THYN1: variants seen among roughly 807,000 people sequenced by gnomAD.
THYN1 encodes the protein thymocyte nuclear protein 1.
A neutral mutation model predicts 30.6 loss-of-function variants in THYN1; 32 were observed. The ratio of observed to expected loss-of-function variants is 1.05; its 90% CI spans 0.79 to 1.40. The LOEUF is 1.40. Ranked by LOEUF, THYN1 falls within the 40% of genes most tolerant of loss-of-function variation. THYN1 has a pLI of 0.00. For missense variants in THYN1, 259 were observed against 272.6 expected, an observed-to-expected ratio of 0.95 and a Z score of 0.35; for synonymous variants, 107 against 90.8, an observed-to-expected ratio of 1.18 and a Z score of -1.01.
rs374823032 is a variant in THYN1, at chr11:134,249,854, C to A, written c.358G>T (p.Glu120Ter). 63 of 1,614,158 alleles carry A rather than the reference C, an allele frequency of 3.9e-5. No individual in the cohort carries two copies. Among genetic ancestry groups the A allele is most frequent in the Middle Eastern group, 1.7e-4 (1 of 6,060 alleles). The change falls in exon 4 of 7, where the codon GAG (glutamate) becomes TAG (stop). Residue 120 changes from glutamate (E) to a stop codon, truncating the protein, a stop_gained. Coordinates refer to ENST00000341541, the MANE Select transcript of THYN1 (RefSeq NM_014174.3). LOFTEE classifies it high-confidence loss of function. ...EAFFYHSNCK[E>*]PGIAGLMKIV... ...TTCATGAGTCCTGCGATGCCTGGCTCTTTGCAGTTGCTATGGTAGAAGAAG... is the reference window on the plus strand; with the variant it reads ...TTCATGAGTCCTGCGATGCCTGGCTATTTGCAGTTGCTATGGTAGAAGAAG...
At chr11:134,248,695 G>A in intron 6 of THYN1, 114 bp downstream of exon 6, 7 of 1,474,280 alleles carry the variant, frequency 4.7e-6, no homozygotes, top group Admixed American at 1.9e-5. Context: ...TGTTACAGGT[G>A]AGGATGCTGA....
In THYN1 at chr11:134,252,971, G is replaced by A; in HGVS notation, c.-89C>T. The A allele has an allele frequency of 1.3e-6, 2 of 1,489,094 alleles. No homozygotes were observed. The highest frequency in any genetic ancestry group is 1.4e-5 in the African/African-American group (1 of 69,952). The allele number at this position is 1,489,094 out of a possible 1,614,324, so 92.2% of individuals were successfully genotyped here. A position where few individuals can be genotyped will look rare whatever the true frequency, so the allele number is the denominator to read the frequency against. ...GCTAATGTCCTCCAAAACCCGCGCA[G>A]AGCGAGATGGAGGCAACGAGAGGCA... On this transcript the variant is annotated 5_prime_UTR_variant, in exon 1 of 7. Transcript: ENST00000341541.
In THYN1 at chr11:134,249,823, C is replaced by G; in HGVS notation, c.384+5G>C. ...GGGATTCACACCAAAACCTGCCCAA[C>G]TAACCTTCATGAGTCCTGCGATGCC... On this transcript the variant is annotated splice_donor_5th_base_variant and intron_variant, in intron 4 of 6. Coordinates refer to ENST00000341541, the MANE Select transcript of THYN1 (RefSeq NM_014174.3). The G allele has an allele frequency of 6.2e-7, 1 of 1,613,968 alleles. No individual in the cohort carries two copies. The highest frequency in any genetic ancestry group is 8.5e-7 in the Non-Finnish European group (1 of 1,179,896).
Position 134,250,320 on chromosome 11 carries a change from T to G in THYN1, c.246A>C (p.Ala82=). ...CCCAGCATGTTGTCTGTTTGGGCTGTGCTTTGAGATCCTCAATGCTGAACT... is the reference window on the plus strand; with the variant it reads ...CCCAGCATGTTGTCTGTTTGGGCTGGGCTTTGAGATCCTCAATGCTGAACT... ...DVKFSIEDLK[A]QPKQTTCWDG... The change falls in exon 3 of 7, where the codon GCA becomes GCC. Residue 82 remains alanine (A), a synonymous_variant. Transcript: ENST00000341541. 1 of 1,614,198 alleles carries G rather than the reference T, an allele frequency of 6.2e-7. No homozygotes were observed. Among genetic ancestry groups the G allele is most frequent in the Non-Finnish European group, 8.5e-7 (1 of 1,180,028 alleles).
intron 4 of THYN1, 65 bp from the exon 5 acceptor site, chr11:134,249,327 C>T (rs1938937832): frequency 1.3e-6 from 2 of 1,494,680 alleles, no homozygotes; most frequent in Non-Finnish European, 9.3e-7. Context: ...ATCTTTTAAT[C>T]CATATCCAAC....
chr11:134,252,950 A>T lies in THYN1; in HGVS notation c.-68T>A. The T allele has an allele frequency of 1.3e-6, 2 of 1,511,518 alleles. No individual in the cohort carries two copies. Among genetic ancestry groups the T allele is most frequent in the Non-Finnish European group, 1.8e-6 (2 of 1,132,536 alleles). The allele number at this position is 1,511,518 out of a possible 1,614,324, so 93.6% of individuals were successfully genotyped here. A position where few individuals can be genotyped will look rare whatever the true frequency, so the allele number is the denominator to read the frequency against. Reference sequence around the variant, plus strand: ...AACGGAGATACAAGAAAGAATGCTAATGTCCTCCAAAACCCGCGCAGAGCG... The same window carrying T: ...AACGGAGATACAAGAAAGAATGCTATTGTCCTCCAAAACCCGCGCAGAGCG... On this transcript the variant is annotated 5_prime_UTR_variant, in exon 1 of 7. Coordinates refer to ENST00000341541, the MANE Select transcript of THYN1 (RefSeq NM_014174.3).
In THYN1 at chr11:134,253,155, G is replaced by C. The variant is rs968658172; in HGVS notation, c.-273C>G. 1.5e-6 allele frequency: 2 copies of C among 1,349,404 alleles called. No homozygotes were observed. The highest frequency in any genetic ancestry group is 1.9e-5 in the South Asian group (1 of 53,316). The allele number at this position is 1,349,404 out of a possible 1,614,324, so 83.6% of individuals were successfully genotyped here. A position where few individuals can be genotyped will look rare whatever the true frequency, so the allele number is the denominator to read the frequency against. Reference sequence around the variant, plus strand: ...TTCTCATCCAGGAACCCCTATCTCAGTATGTAGTTCACTGGGAAGTGGCTC... The same window carrying C: ...TTCTCATCCAGGAACCCCTATCTCACTATGTAGTTCACTGGGAAGTGGCTC... On this transcript the variant is annotated 5_prime_UTR_variant, in exon 1 of 7. Coordinates refer to ENST00000341541, the MANE Select transcript of THYN1 (RefSeq NM_014174.3).
intron 2 of THYN1, 32 bp from the exon 3 acceptor site, chr11:134,250,375 A>G: frequency 6.2e-7 from 1 of 1,613,468 alleles, no homozygotes; most frequent in Non-Finnish European, 8.5e-7. Flanking sequence ...CAATCATTAA[A>G]CAATCCTTGG....
rs148055755 is a variant in THYN1 at position 134,249,260 on chromosome 11, G to A, written c.387C>T (p.Ile129=). The change falls in exon 5 of 7, where the codon ATC becomes ATT. Residue 129 remains isoleucine, a splice_region_variant and synonymous_variant. Coordinates refer to ENST00000341541, the MANE Select transcript of THYN1 (RefSeq NM_014174.3). ...KEPGIAGLMK[I]VKEAYPDHTQ... ...TGTGGTCTGGGTAAGCCTCTTTCAC[G>A]ATCTGAAACCAAAACAAAAGCTTTG... The A allele has an allele frequency of 1.5e-5, 25 of 1,614,044 alleles. No individual in the cohort carries two copies. In the African/African-American group the frequency reaches 1.7e-4, roughly 11 times the overall value.
intron 1 of THYN1, 68 bp downstream of exon 1, chr11:134,252,772 G>T (rs898427142): frequency 1.3e-6 from 2 of 1,563,994 alleles, no homozygotes; most frequent in Non-Finnish European, 1.8e-6. Flanking sequence ...TGAAAAATGA[G>T]TACTAAACAG....
chr11:134,248,969 AACAGTGTACATG>A lies in THYN1; in HGVS notation c.481-22_481-11del. ...CAAACTGTACATCCACCTATGTGAC[AACAGTGTACATG>A]ACAGAAAGACGTGTCTAGGCTGACT... On this transcript the variant is annotated splice_polypyrimidine_tract_variant and intron_variant, in intron 5 of 6. Coordinates refer to ENST00000341541, the MANE Select transcript of THYN1 (RefSeq NM_014174.3). 6.2e-7 allele frequency: 1 copy of A among 1,614,166 alleles called. No individual in the cohort carries two copies. The highest frequency in any genetic ancestry group is 8.5e-7 in the Non-Finnish European group (1 of 1,180,014).
intron 2 of THYN1, 27 bp from the exon 3 acceptor site, chr11:134,250,370 A>G (rs781262111): frequency 3.7e-6 from 6 of 1,613,718 alleles, no homozygotes; most frequent in Non-Finnish European, 4.2e-6. Context: ...AAATTCAATC[A>G]TTAAACAATC....
At position 134,253,317 on chromosome 11, in the gene THYN1, G is replaced by A. The variant is rs1052706254; in HGVS notation, c.-435C>T. 10 of 1,396,602 alleles carry A rather than the reference G, an allele frequency of 7.2e-6. No individual in the cohort carries two copies. The African/African-American group carries it at 1.5e-4, about 20-fold the overall frequency. 86.5% of individuals were successfully genotyped at this position (1,396,602 alleles called of 1,614,324 possible). A position where few individuals can be genotyped will look rare whatever the true frequency, so the allele number is the denominator to read the frequency against. ...TACAGACCCAACACTCTGCAGACTC[G>A]ACTGCGGTCCGCCTCCGCTGCGCCG... On this transcript the variant is annotated 5_prime_UTR_variant, in exon 1 of 7. Transcript: ENST00000341541.
chr11:134,250,496 T>C (rs1165962101), intron 2 of THYN1, among the ~76,000 whole-genome samples, 153 bp from the exon 3 acceptor site: 2 of 152,218 alleles, frequency 1.3e-5, no homozygotes, highest in Non-Finnish European at 2.9e-5. Context: ...ACAGAGACAC[T>C]TTTGCTGGGT....
At position 134,252,868 on chromosome 11, in the gene THYN1, C is replaced by T. The variant is rs201287591; in HGVS notation, c.15G>A (p.Arg5=). 1 of 1,607,018 alleles carries T rather than the reference C, an allele frequency of 6.2e-7. No individual in the cohort carries two copies. The highest frequency in any genetic ancestry group is 2.2e-5 in the East Asian group (1 of 44,738). Residue 5 remains arginine, a synonymous_variant, in exon 1 of 7, where the codon CGG becomes CGA. Coordinates refer to ENST00000341541, the MANE Select transcript of THYN1 (RefSeq NM_014174.3). ...AACCAGAAGTCCCAGCCAGCCTCTT[C>T]CGGGGTCTCGACATGGTCACGCTGC... MSRP[R]KRLAGTSGSD... is the part of the protein sequence containing the mutation.
chr11:134,250,232 C>T, intron 3 of THYN1, 43 bp downstream of exon 3: 5 of 1,606,472 alleles, frequency 3.1e-6, no homozygotes, highest in Non-Finnish European at 4.3e-6. Flanking sequence ...GGCAGGCATT[C>T]ATCCCACCTG....
chr11:134,251,340 T>C (rs1189697149), intron 1 of THYN1, 32 bp from the exon 2 acceptor site: 1 of 1,585,094 alleles, frequency 6.3e-7, no homozygotes. Context: ...GAAAAGATCA[T>C]GCTTGTTAAA....
At position 134,250,985 on chromosome 11, in the gene THYN1, A is replaced by G. The variant is rs570016941; in HGVS notation, c.222+145T>C. ...ACAGGTTCACAAACCAGCTGATGAT[A>G]ATAAACCCTGCCGATTTTATTCATT... On this transcript the variant is annotated intron_variant, in intron 2 of 6. Transcript: ENST00000341541. The G allele has an allele frequency of 1.7e-4, 173 of 1,007,608 alleles. 1 individual carries two copies. In the South Asian group the frequency reaches 2.4e-3, roughly 14 times the overall value. 62.4% of individuals were successfully genotyped at this position (1,007,608 alleles called of 1,614,324 possible). A position where few individuals can be genotyped will look rare whatever the true frequency, so the allele number is the denominator to read the frequency against.
rs1939220143 is a variant in THYN1, at chr11:134,253,333, C to G, written c.-451G>C. 5.0e-6 allele frequency: 7 copies of G among 1,405,362 alleles called. No individual in the cohort carries two copies. Among genetic ancestry groups the G allele is most frequent in the East Asian group, 2.7e-5 (1 of 37,460 alleles). The allele number at this position is 1,405,362 out of a possible 1,614,324, so 87.1% of individuals were successfully genotyped here. A position where few individuals can be genotyped will look rare whatever the true frequency, so the allele number is the denominator to read the frequency against. On this transcript the variant is annotated 5_prime_UTR_variant, in exon 1 of 7. Coordinates refer to ENST00000341541, the MANE Select transcript of THYN1 (RefSeq NM_014174.3). ...TGCAGACTCGACTGCGGTCCGCCTC[C>G]GCTGCGCCGCAGGCTGTGCAGCGCG...
Sources: allele counts gnomAD v4.1 joint callset (sites outside exome capture counted in the v4.1 genomes callset), GRCh38; gene constraint gnomAD v4.1.1; transcripts MANE v1.5; gene names NCBI Gene and HGNC (gene_info 2026-07-23, HGNC 2026-07-21).